The following NAALADL2 variants were observed in gnomAD, a reference collection of about 807,000 sequenced individuals.
NAALADL2 encodes the protein N-acetylated alpha-linked acidic dipeptidase like 2, also known as inactive N-acetylated-alpha-linked acidic dipeptidase-like protein 2.
NAALADL2 carries 76 observed loss-of-function variants against 87.2 expected under a neutral mutation model. That is an observed-to-expected ratio of 0.87 (90% CI 0.72 to 1.05). The LOEUF (loss-of-function observed/expected upper bound fraction) is 1.05. NAALADL2 is among the 50% of genes least tolerant of loss of function. The pLI is 0.00. For synonymous variants in NAALADL2, 354 were observed against 331.0 expected, an observed-to-expected ratio of 1.07 and a Z score of -0.75; for missense variants, 1,089 against 945.8, an observed-to-expected ratio of 1.15 and a Z score of -1.99.
rs750829694 is a variant in NAALADL2, at chr3:174,539,627, G to A, written c.-183-10942G>A. ...CTTGAAAGCAGTAGAACATTTCTGC[G>A]AATTTATTTTTGTTGTGGCCACATC... On this transcript the variant is annotated intron_variant, in intron 1 of 3. Coordinates refer to the NAALADL2 transcript ENST00000434257. 7.2e-4 allele frequency among the ~76,000 whole-genome samples: 109 copies of A among 152,096 alleles called. 1 individual carries two copies. The highest frequency in any genetic ancestry group is 2.4e-3 in the African/African-American group (101 of 41,486).
chr3:175,480,011 G>T (rs539822328), intron 9 of NAALADL2, among the ~76,000 whole-genome samples: 3 of 151,862 alleles, frequency 2.0e-5, no homozygotes, highest in East Asian at 3.9e-4. Flanking sequence ...TAGGGAAGAG[G>T]AAGTGAATAT....
intron 9 of NAALADL2, among the ~76,000 whole-genome samples, chr3:175,493,551 G>T (rs1728396162): frequency 6.6e-6 from 1 of 152,042 alleles, no homozygotes; most frequent in Non-Finnish European, 1.5e-5. Flanking sequence ...ACTTTGCCCT[G>T]CACAATATTT....
rs74536712 is a variant in NAALADL2 at position 175,312,510 on chromosome 3, T to G, written c.940-11665T>G. On this transcript the variant is annotated intron_variant, in intron 4 of 13. Coordinates refer to ENST00000454872, the MANE Select transcript of NAALADL2 (RefSeq NM_207015.3). ...TCTCATAGTATTGATTTCAGTGTCT[T>G]CTTAGAAAGCAGATCACTGTAAGAA... Among the ~76,000 whole-genome samples the G allele has an allele frequency of 7.5e-3, 1,146 of 152,222 alleles. 21 individuals carry two copies. The highest frequency in any genetic ancestry group is 0.027 in the African/African-American group (1,103 of 41,522).
At chr3:175,051,493 C>T (rs890819956) in intron 1 of NAALADL2, among the ~76,000 whole-genome samples, 9 of 152,106 alleles carry the variant, frequency 5.9e-5, no homozygotes, top group African/African-American at 1.2e-4. Flanking sequence ...CCTCTCAGCT[C>T]CTAGAGGTCA....
chr3:175,794,993 A>G (rs1753284099), intron 13 of NAALADL2, among the ~76,000 whole-genome samples: 1 of 152,090 alleles, frequency 6.6e-6, no homozygotes, highest in Admixed American at 6.5e-5. Context: ...CTGCATCCTC[A>G]CATGGTAGAG....
chr3:175,579,377 ATATC>A (rs1209925160), intron 10 of NAALADL2, among the ~76,000 whole-genome samples: 2 of 152,166 alleles, frequency 1.3e-5, no homozygotes, highest in Non-Finnish European at 2.9e-5. Flanking sequence ...ACATTTTGTA[ATATC>A]TATCCCCAAT....
At chr3:174,800,275 C>T (rs540506718) in intron 3 of NAALADL2, among the ~76,000 whole-genome samples, 25 of 152,164 alleles carry the variant, frequency 1.6e-4, no homozygotes, top group Admixed American at 2.6e-4. Flanking sequence ...AAAATGGTTT[C>T]GTGGGCTGGG....
At chr3:175,581,153 C>T (rs962145727) in intron 10 of NAALADL2, 5 of 391,152 alleles carry the variant, frequency 1.3e-5, no homozygotes, top group Non-Finnish European at 2.1e-5. Flanking sequence ...TTAAAAAAGG[C>T]TGAATAGGCC....
chr3:175,276,791 G>A (rs1054345149), intron 4 of NAALADL2, among the ~76,000 whole-genome samples: 1 of 151,956 alleles, frequency 6.6e-6, no homozygotes, highest in African/African-American at 2.4e-5. Flanking sequence ...TTTTCTTCAA[G>A]ATGAGATCCA....
chr3:174,762,755 C>T (rs1442178423), intron 3 of NAALADL2, among the ~76,000 whole-genome samples: 1 of 152,018 alleles, frequency 6.6e-6, no homozygotes, highest in African/African-American at 2.4e-5. Context: ...TTTAGAAAAT[C>T]AGCGTGATGG....
chr3:175,447,449 T>A (rs1720886993), intron 6 of NAALADL2, 77 bp downstream of exon 6: 1 of 998,572 alleles, frequency 1.0e-6, no homozygotes, highest in Non-Finnish European at 1.4e-6. Flanking sequence ...CCTAAATTGA[T>A]GTATGTAGGA....
intron 1 of NAALADL2, among the ~76,000 whole-genome samples, chr3:174,907,690 T>A (rs1228249850): frequency 6.6e-6 from 1 of 152,118 alleles, no homozygotes; most frequent in Non-Finnish European, 1.5e-5. Context: ...GTACTACCAA[T>A]GTTCAAAAGC....
chr3:174,985,288 T>C (rs1237043898), intron 1 of NAALADL2, among the ~76,000 whole-genome samples: 1 of 152,216 alleles, frequency 6.6e-6, no homozygotes, highest in African/African-American at 2.4e-5. Context: ...GGAAATGATG[T>C]GAAAATGTAA....
intron 1 of NAALADL2, among the ~76,000 whole-genome samples, chr3:175,073,472 G>T (rs1716025091): frequency 6.6e-6 from 1 of 152,010 alleles, no homozygotes; most frequent in Non-Finnish European, 1.5e-5. Context: ...TAGCTCCAAA[G>T]AGAGGTTACC....
intron 13 of NAALADL2, among the ~76,000 whole-genome samples, chr3:175,787,663 AC>A (rs1385962600): frequency 2.0e-5 from 3 of 151,744 alleles, no homozygotes; most frequent in Admixed American, 6.6e-5. Context: ...TGCAGAAATC[AC>A]CCGTCTTCTG....
At chr3:174,686,815 A>G (rs1233280069) in intron 2 of NAALADL2, among the ~76,000 whole-genome samples, 1 of 152,098 alleles carries the variant, frequency 6.6e-6, no homozygotes, top group Non-Finnish European at 1.5e-5. Flanking sequence ...AGACTTAATT[A>G]TAAAAATTAT....
At chr3:175,189,534 C>A (rs1737836771) in intron 2 of NAALADL2, among the ~76,000 whole-genome samples, 1 of 152,200 alleles carries the variant, frequency 6.6e-6, no homozygotes, top group African/African-American at 2.4e-5. Flanking sequence ...AAGTTTCTTA[C>A]ACTGAAAACT....
chr3:175,640,970 T>C (rs1729208404), intron 11 of NAALADL2, among the ~76,000 whole-genome samples: 1 of 152,188 alleles, frequency 6.6e-6, no homozygotes, highest in African/African-American at 2.4e-5. Context: ...AACTGCTTTC[T>C]CCATTCTTTA....
chr3:174,811,556 A>G (rs181800145), intron 3 of NAALADL2, among the ~76,000 whole-genome samples: 242 of 152,302 alleles, frequency 1.6e-3, no homozygotes, highest in African/African-American at 5.7e-3. Flanking sequence ...TATTTACCCA[A>G]TGCCTATACC....
Sources: allele counts gnomAD v4.1 joint callset (sites outside exome capture counted in the v4.1 genomes callset), GRCh38; gene constraint gnomAD v4.1.1; transcripts MANE v1.5; gene names NCBI Gene and HGNC (gene_info 2026-07-23, HGNC 2026-07-21).